SRPK2: variants seen among roughly 807,000 people sequenced by gnomAD.
SRPK2 encodes SRSF protein kinase 2.
A neutral mutation model predicts 90.8 loss-of-function variants in SRPK2; 21 were observed. That is an observed-to-expected ratio of 0.23 (90% CI 0.16 to 0.33). The LOEUF (loss-of-function observed/expected upper bound fraction) is 0.33, where lower values mean the gene tolerates loss of function less well. Ranked by LOEUF, SRPK2 falls within the 10% of genes least tolerant of loss-of-function variation. The pLI is 1.00. For synonymous variants in SRPK2, 288 were observed against 311.1 expected (o/e 0.93, Z 0.78); for missense variants, 620 against 869.0 (o/e 0.71, Z 3.60).
At chr7:105,331,145 T>A (rs948432555) in intron 2 of SRPK2, among the ~76,000 whole-genome samples, 73 of 151,658 alleles carry the variant, frequency 4.8e-4, no homozygotes, top group African/African-American at 1.6e-3. Context: ...CTACCAAAAA[T>A]ATTTTTTTAA....
intron 2 of SRPK2, among the ~76,000 whole-genome samples, chr7:105,301,336 C>T (rs1810526590): frequency 1.3e-5 from 2 of 152,066 alleles, no homozygotes; most frequent in South Asian, 2.1e-4. Context: ...CACAGCCCAC[C>T]GCTGGCAGCT....
intron 10 of SRPK2, 142 bp downstream of exon 10, chr7:105,142,942 C>A: frequency 9.0e-7 from 1 of 1,108,402 alleles, no homozygotes; most frequent in Non-Finnish European, 1.3e-6. Flanking sequence ...GGCTATTTCC[C>A]ATATTTCCCA....
chr7:105,184,591 G>C (rs974222916), intron 3 of SRPK2, among the ~76,000 whole-genome samples: 2 of 152,144 alleles, frequency 1.3e-5, no homozygotes, highest in African/African-American at 2.4e-5. Flanking sequence ...CTTGATTTAG[G>C]TTGCTAGAAG....
At chr7:105,126,945 G>A in intron 14 of SRPK2, 48 bp downstream of exon 14, 1 of 1,581,090 alleles carries the variant, frequency 6.3e-7, no homozygotes, top group Non-Finnish European at 8.7e-7. Flanking sequence ...GAAGTTCAGG[G>A]CTGGCAGAAG....
At chr7:105,389,144 C>G (rs1688239439), upstream of SRPK2, 5 of 1,010,710 alleles carry the variant, frequency 4.9e-6, no homozygotes, top group Non-Finnish European at 5.9e-6. Context: ...GCCCGGGCCT[C>G]CGCCTCCTGC....
chr7:105,237,185 G>C (rs1800246408), intron 2 of SRPK2, among the ~76,000 whole-genome samples: 1 of 152,300 alleles, frequency 6.6e-6, no homozygotes, highest in African/African-American at 2.4e-5. Flanking sequence ...TGTCTGGAAA[G>C]GTGTGATGTT....
chr7:105,290,867 T>C lies in SRPK2; in HGVS notation c.72-87082A>G, dbSNP rs571658411. On this transcript the variant is annotated intron_variant, in intron 2 of 15. Transcript: ENST00000393651. ...TCCTGGCTAACAAGGTGAAACCCCGTCTCTACTAAAAATACAAAAAATTGG... is the reference window on the plus strand; with the variant it reads ...TCCTGGCTAACAAGGTGAAACCCCGCCTCTACTAAAAATACAAAAAATTGG... Among the ~76,000 whole-genome samples the C allele has an allele frequency of 6.9e-4, 99 of 144,218 alleles. 1 individual carries two copies. Among genetic ancestry groups the C allele is most frequent in the Non-Finnish European group, 1.2e-3 (82 of 65,678 alleles). 94.6% of individuals were successfully genotyped at this position (144,218 alleles called of 152,430 possible).
intron 2 of SRPK2, among the ~76,000 whole-genome samples, chr7:105,342,022 G>C (rs1815866041): frequency 6.6e-6 from 1 of 151,760 alleles, no homozygotes; most frequent in African/African-American, 2.4e-5. Context: ...CCAGCACTTG[G>C]GGAGGCCAAG....
At chr7:105,212,450 C>T (rs1796972893) in intron 2 of SRPK2, among the ~76,000 whole-genome samples, 1 of 152,162 alleles carries the variant, frequency 6.6e-6, no homozygotes, top group Non-Finnish European at 1.5e-5. Context: ...CAGAATGAGG[C>T]TGACTGCAGG....
intron 3 of SRPK2, among the ~76,000 whole-genome samples, chr7:105,178,647 C>T (rs1459855299): frequency 2.0e-5 from 3 of 151,616 alleles, no homozygotes; most frequent in Non-Finnish European, 4.4e-5. Flanking sequence ...AGTGAGAGTC[C>T]CCCATCATTC....
rs1335587905 is a variant in SRPK2 at position 105,247,558 on chromosome 7, A to ACC, written c.72-43774_72-43773insGG. On this transcript the variant is annotated intron_variant, in intron 2 of 15. Transcript: ENST00000393651. ...CACACACACACACACACACACACAC[A>ACC]CACAGAAGTTATACCTTTTCTTGGT... Among the ~76,000 whole-genome samples the ACC allele has an allele frequency of 1.0e-4, 15 of 148,386 alleles. No homozygotes were observed. In the Middle Eastern group the frequency reaches 0.011, roughly 104 times the overall value.
chr7:105,167,405 G>A lies in SRPK2; in HGVS notation c.486C>T (p.Asp162=), dbSNP rs1285901769. ...NKDMVVQLID[D]FKISGMNGIH... ...TCCCATTCATGCCTGAAATCTTGAA[G>A]TCGTCAATGAGCTGGACCACCATGT... The change falls in exon 6 of 16, where the codon GAC becomes GAT. Residue 162 remains aspartate (D), a synonymous_variant. Coordinates refer to ENST00000393651, the MANE Select transcript of SRPK2 (RefSeq NM_182692.3). 1.9e-6 allele frequency: 3 copies of A among 1,613,818 alleles called. No individual in the cohort carries two copies. Among genetic ancestry groups the A allele is most frequent in the Non-Finnish European group, 1.7e-6 (2 of 1,179,794 alleles).
intron 1 of SRPK2, among the ~76,000 whole-genome samples, chr7:105,397,182 T>A (rs1822355179): frequency 6.6e-6 from 1 of 151,772 alleles, no homozygotes; most frequent in African/African-American, 2.4e-5. Flanking sequence ...CACACCCAGC[T>A]AATTTTTGTA....
chr7:105,231,792 T>C (rs1799453369), intron 2 of SRPK2, among the ~76,000 whole-genome samples: 1 of 152,246 alleles, frequency 6.6e-6, no homozygotes, highest in Admixed American at 6.5e-5. Context: ...AAGTTCTTTA[T>C]AGATGCTGGA....
intron 7 of SRPK2, among the ~76,000 whole-genome samples, chr7:105,153,485 T>C (rs987262299): frequency 3.3e-5 from 5 of 152,162 alleles, no homozygotes; most frequent in Non-Finnish European, 7.4e-5. Context: ...TTGATTGAAA[T>C]AGGTCCTGTA....
chr7:105,187,201 C>A (rs1793694760), intron 3 of SRPK2, among the ~76,000 whole-genome samples: 1 of 152,214 alleles, frequency 6.6e-6, no homozygotes, highest in Non-Finnish European at 1.5e-5. Context: ...ACCTCCTCCT[C>A]GGTTCTGCAG....
At chr7:105,333,647 A>G (rs1211895071) in intron 2 of SRPK2, among the ~76,000 whole-genome samples, 1 of 152,150 alleles carries the variant, frequency 6.6e-6, no homozygotes, top group Admixed American at 6.5e-5. Context: ...GCTCCCTGCT[A>G]GTTCATTTTG....
At chr7:105,266,149 C>G (rs923705627) in intron 2 of SRPK2, among the ~76,000 whole-genome samples, 1 of 151,994 alleles carries the variant, frequency 6.6e-6, no homozygotes, top group African/African-American at 2.4e-5. Flanking sequence ...CCCAATTTAG[C>G]CCCCCAAACA....
At position 105,116,616 on chromosome 7, in the gene SRPK2, T is replaced by C. The variant is rs1042769792; in HGVS notation, c.*1222A>G. ...AAATATACCTCTATATATTACATTC[T>C]AAAATTGTATTGCCTACTATGGTTT... On this transcript the variant is annotated 3_prime_UTR_variant, in exon 16 of 16. Coordinates refer to ENST00000393651, the MANE Select transcript of SRPK2 (RefSeq NM_182692.3). 4 of 152,640 alleles carry C rather than the reference T, an allele frequency of 2.6e-5. No individual in the cohort carries two copies. The highest frequency in any genetic ancestry group is 9.6e-5 in the African/African-American group (4 of 41,462). 9.5% of individuals were successfully genotyped at this position (152,640 alleles called of 1,614,324 possible).
Sources: allele counts gnomAD v4.1 joint callset (sites outside exome capture counted in the v4.1 genomes callset), GRCh38; gene constraint gnomAD v4.1.1; transcripts MANE v1.5; gene names NCBI Gene and HGNC (gene_info 2026-07-23, HGNC 2026-07-21).